The following KRCC1 variants were observed in gnomAD, a reference collection of about 807,000 sequenced individuals.
KRCC1 encodes the protein lysine rich coiled-coil 1, also known as lysine-rich coiled-coil protein 1.
In KRCC1, 3 loss-of-function variants were observed where a neutral mutation model predicts 7.4. That is an observed-to-expected ratio of 0.40 (90% CI 0.18 to 1.04). KRCC1 has a LOEUF of 1.04. Ranked by LOEUF, KRCC1 falls within the 50% of genes least tolerant of loss-of-function variation. The probability of loss-of-function intolerance (pLI) is 0.33; values close to 1 mark genes in which losing one functional copy is unlikely to be tolerated. For missense variants in KRCC1, 277 were observed against 300.9 expected, an observed-to-expected ratio of 0.92 and a Z score of 0.59; for synonymous variants, 102 against 101.6, an observed-to-expected ratio of 1.00 and a Z score of -0.02.
chr2:88,040,078 C>T (rs1673175097), intron 1 of KRCC1, among the ~76,000 whole-genome samples: 1 of 151,890 alleles, frequency 6.6e-6, no homozygotes, highest in Admixed American at 6.6e-5. Context: ...GGAAAGCTTA[C>T]TGAGGACTAG....
chr2:88,033,929 C>A (rs1405732093), intron 3 of KRCC1, among the ~76,000 whole-genome samples: 1 of 152,118 alleles, frequency 6.6e-6, no homozygotes, highest in African/African-American at 2.4e-5. Flanking sequence ...GTAGAAATAA[C>A]CAACCAATGC....
intron 1 of KRCC1, among the ~76,000 whole-genome samples, chr2:88,054,269 C>T (rs980505419): frequency 6.6e-6 from 1 of 152,182 alleles, no homozygotes; most frequent in African/African-American, 2.4e-5. Context: ...GGCAATCCAG[C>T]CCTCTTTTGA....
rs1672923806 is a variant in KRCC1 at position 88,028,436 on chromosome 2, G to C, written c.128C>G (p.Thr43Ser). The change falls in exon 4 of 4, where the codon ACC becomes AGC. Residue 43 changes from threonine to serine, a missense_variant. Transcript: ENST00000347055. ...FRKMKGDYLE[T>S]CGYKGEVNSR... Reference sequence around the variant, plus strand: ...ATTAACCTCTCCTTTGTACCCACAGGTTTCCAAATAGTCCCCTTTCATCTT... The same window carrying C: ...ATTAACCTCTCCTTTGTACCCACAGCTTTCCAAATAGTCCCCTTTCATCTT... 2 of 1,613,996 alleles carry C rather than the reference G, an allele frequency of 1.2e-6. No homozygotes were observed. Among genetic ancestry groups the C allele is most frequent in the Non-Finnish European group, 1.7e-6 (2 of 1,180,016 alleles).
At chr2:88,048,403 A>C (rs1673392914) in intron 1 of KRCC1, among the ~76,000 whole-genome samples, 3 of 152,118 alleles carry the variant, frequency 2.0e-5, no homozygotes, top group Admixed American at 2.0e-4. Flanking sequence ...AAGTTATCTA[A>C]AAGTATCTTA....
chr2:88,048,301 C>CGTG (rs1426420642), intron 1 of KRCC1, among the ~76,000 whole-genome samples: 3 of 152,044 alleles, frequency 2.0e-5, no homozygotes, highest in African/African-American at 7.2e-5. Context: ...AAGCTGGTCT[C>CGTG]TAACTCCTGA....
intron 3 of KRCC1, 59 bp from the exon 4 acceptor site, chr2:88,028,644 C>CTTTT (rs35917852): frequency 0.01 from 5,048 of 493,792 alleles, 5 homozygotes; most frequent in East Asian, 0.014. Flanking sequence ...TTCCTTTGCT[C>CTTTT]TTTTTTTTTT....
chr2:88,040,485 C>T (rs6547747), intron 1 of KRCC1, among the ~76,000 whole-genome samples: 133,058 of 152,202 alleles, frequency 0.87, 58,648 homozygotes, highest in Non-Finnish European at 0.93. Flanking sequence ...AAGAGATGAA[C>T]CTTATCGAAT....
At chr2:88,039,376 G>A (rs1673157651) in intron 1 of KRCC1, among the ~76,000 whole-genome samples, 1 of 152,136 alleles carries the variant, frequency 6.6e-6, no homozygotes, top group South Asian at 2.1e-4. Context: ...TTTTAGAAAG[G>A]ACTTGAAGAG....
rs190939935 is a variant in KRCC1 at position 88,054,386 on chromosome 2, G to A, written c.-291+1240C>T. ...CCTTTTAAAAGGCATTTACTAAAAA[G>A]GGCTCACAACTACGAATCCTCCTCT... On this transcript the variant is annotated intron_variant, in intron 1 of 3. Coordinates refer to ENST00000347055, the MANE Select transcript of KRCC1 (RefSeq NM_016618.3). Among the ~76,000 whole-genome samples, 5 of 152,224 alleles carry A rather than the reference G, an allele frequency of 3.3e-5. No individual in the cohort carries two copies. The East Asian group carries it at 9.6e-4, about 29-fold the overall frequency.
Position 88,027,270 on chromosome 2 carries a change from T to C in KRCC1, c.*514A>G, listed in dbSNP as rs944685590. The C allele has an allele frequency of 1.3e-5, 2 of 152,428 alleles. No individual in the cohort carries two copies. The highest frequency in any genetic ancestry group is 4.8e-5 in the African/African-American group (2 of 41,464). The allele number at this position is 152,428 out of a possible 1,614,324, so 9.4% of individuals were successfully genotyped here. A position where few individuals can be genotyped will look rare whatever the true frequency, so the allele number is the denominator to read the frequency against. On this transcript the variant is annotated 3_prime_UTR_variant, in exon 4 of 4. Coordinates refer to ENST00000347055, the MANE Select transcript of KRCC1 (RefSeq NM_016618.3). ...AAACTGATTTTGTATCAAGACTCTT[T>C]GAAACTTTAGAAACTTTATGTAACC...
intron 1 of KRCC1, among the ~76,000 whole-genome samples, chr2:88,039,178 T>G (rs981344318): frequency 6.6e-6 from 1 of 152,160 alleles, no homozygotes; most frequent in Non-Finnish European, 1.5e-5. Context: ...ATTTAACATA[T>G]TGCTCTTTGT....
chr2:88,042,282 G>T (rs563595625), intron 1 of KRCC1, among the ~76,000 whole-genome samples: 3 of 151,968 alleles, frequency 2.0e-5, no homozygotes, highest in Non-Finnish European at 4.4e-5. Flanking sequence ...AGATGGTCTC[G>T]ATCTCCTGAC....
intron 3 of KRCC1, among the ~76,000 whole-genome samples, chr2:88,030,642 T>C (rs1394548998): frequency 2.0e-5 from 3 of 152,160 alleles, no homozygotes; most frequent in African/African-American, 2.4e-5. Flanking sequence ...ATGAAAAAGA[T>C]TGACAATACC....
At chr2:88,032,843 G>A (rs1673020859) in intron 3 of KRCC1, among the ~76,000 whole-genome samples, 1 of 152,198 alleles carries the variant, frequency 6.6e-6, no homozygotes, top group Non-Finnish European at 1.5e-5. Context: ...GCTCATGCCT[G>A]TAATCCCAGC....
At chr2:88,051,108 T>C (rs74878124) in intron 1 of KRCC1, among the ~76,000 whole-genome samples, 2 of 151,912 alleles carry the variant, frequency 1.3e-5, no homozygotes, top group Non-Finnish European at 2.9e-5. Context: ...TTTTTTTTTT[T>C]GTAGACAGGG....
At chr2:88,049,514 G>A (rs1208188237) in intron 1 of KRCC1, among the ~76,000 whole-genome samples, 6 of 152,194 alleles carry the variant, frequency 3.9e-5, no homozygotes, top group African/African-American at 1.2e-4. Flanking sequence ...TGGGCATGGT[G>A]GCATGTGCCC....
At chr2:88,050,736 CA>C (rs1243767683) in intron 1 of KRCC1, among the ~76,000 whole-genome samples, 4 of 152,158 alleles carry the variant, frequency 2.6e-5, no homozygotes, top group Admixed American at 2.0e-4. Flanking sequence ...TTTTAACTGT[CA>C]AAAGTGTTTG....
At position 88,042,921 on chromosome 2, in the gene KRCC1, T is replaced by A. The variant is rs550751090; in HGVS notation, c.-290-5870A>T. Among the ~76,000 whole-genome samples the A allele has an allele frequency of 2.4e-4, 37 of 152,312 alleles. No individual in the cohort carries two copies. In the South Asian group the frequency reaches 4.6e-3, roughly 19 times the overall value. On this transcript the variant is annotated intron_variant, in intron 1 of 3. Coordinates refer to ENST00000347055, the MANE Select transcript of KRCC1 (RefSeq NM_016618.3). ...CTAGGATTTATCTATTTATTAGCAATCTATGGGTTTAATTAGAAAGATATT... is the reference window on the plus strand; with the variant it reads ...CTAGGATTTATCTATTTATTAGCAAACTATGGGTTTAATTAGAAAGATATT...
In KRCC1 at chr2:88,027,758, CT is replaced by C; in HGVS notation, c.*25del. ...GCTCTCACCTATTTTTTCAATTTAACTTTGGGAGAACCAACTTTGAAAGCTT... is the reference window on the plus strand; with the variant it reads ...GCTCTCACCTATTTTTTCAATTTAACTTGGGAGAACCAACTTTGAAAGCTT... On this transcript the variant is annotated 3_prime_UTR_variant, in exon 4 of 4. Transcript: ENST00000347055. 6.5e-7 allele frequency: 1 copy of C among 1,545,758 alleles called. No homozygotes were observed. The highest frequency in any genetic ancestry group is 1.3e-5 in the South Asian group (1 of 78,376).
Sources: allele counts gnomAD v4.1 joint callset (sites outside exome capture counted in the v4.1 genomes callset), GRCh38; gene constraint gnomAD v4.1.1; transcripts MANE v1.5; gene names NCBI Gene and HGNC (gene_info 2026-07-23, HGNC 2026-07-21).